BST1: variants seen among roughly 807,000 people sequenced by gnomAD.
BST1 encodes bone marrow stromal cell antigen 1.
A neutral mutation model predicts 40.6 loss-of-function variants in BST1; 49 were observed. The ratio of observed to expected loss-of-function variants is 1.21; its 90% CI spans 0.96 to 1.53. BST1 has a LOEUF of 1.53. Ranked by LOEUF, BST1 falls within the 40% of genes most tolerant of loss-of-function variation. BST1 has a pLI of 0.00. For missense variants in BST1, 423 were observed against 395.9 expected (o/e 1.07, Z -0.58); for synonymous variants, 157 against 159.3 (o/e 0.99, Z 0.11).
downstream of BST1, among the ~76,000 whole-genome samples, chr4:15,735,477 G>T (rs1721522390): frequency 6.6e-6 from 1 of 152,122 alleles, no homozygotes; most frequent in Admixed American, 6.5e-5. Flanking sequence ...TACAAGGGAA[G>T]CTTAATAACA....
At position 15,711,809 on chromosome 4, in the gene BST1, C is replaced by T. The variant is rs1444300671; in HGVS notation, c.454C>T (p.Leu152Phe). 1 of 1,612,946 alleles carries T rather than the reference C, an allele frequency of 6.2e-7. No homozygotes were observed. Among genetic ancestry groups the T allele is most frequent in the African/African-American group, 1.3e-5 (1 of 74,914 alleles). ...SWCRQKNDSG[L>F]DYQSCPTSED... is the part of the protein sequence containing the mutation. ...GTGTTTGTCTACTTACCCCTTAGGA[C>T]TCGATTACCAATCCTGCCCTACATC... The change falls in exon 4 of 9, where the codon CTC becomes TTC. Residue 152 changes from leucine (L) to phenylalanine (F), a missense_variant and splice_region_variant. Transcript: ENST00000265016.
chr4:15,745,918 G>A, the BST1 span, among the ~76,000 whole-genome samples: 1 of 152,084 alleles, frequency 6.6e-6, no homozygotes, highest in Non-Finnish European at 1.5e-5. Flanking sequence ...TCAATATAAG[G>A]GGCCAGACTG....
At chr4:15,737,680 C>T, downstream of BST1, 2 of 738,454 alleles carry the variant, frequency 2.7e-6, no homozygotes, top group South Asian at 2.9e-5. Context: ...ACATGAAGAA[C>T]TGAGTTCTCT....
At chr4:15,765,724 C>T in the BST1 span, among the ~76,000 whole-genome samples, 1 of 151,940 alleles carries the variant, frequency 6.6e-6, no homozygotes, top group African/African-American at 2.4e-5. Context: ...TTTCACCTCA[C>T]CTTCTTCAGA....
chr4:15,719,602 A>G (rs551399625), intron 7 of BST1, among the ~76,000 whole-genome samples: 9 of 152,186 alleles, frequency 5.9e-5, no homozygotes, highest in African/African-American at 2.2e-4. Context: ...CCCAGCCCCT[A>G]AGACTGTGGA....
rs1031813385 is a variant in BST1, at chr4:15,723,767, T to C, written c.851+833T>C. 2.1e-5 allele frequency: 8 copies of C among 388,270 alleles called. No individual in the cohort carries two copies. In the Admixed American group the frequency reaches 2.6e-4, roughly 12 times the overall value. The allele number at this position is 388,270 out of a possible 1,614,324, so 24.1% of individuals were successfully genotyped here. On this transcript the variant is annotated intron_variant, in intron 8 of 8. Coordinates refer to ENST00000265016, the MANE Select transcript of BST1 (RefSeq NM_004334.3). ...AAATTTTGATATGTTCTGAGAAATT[T>C]TGATATGTTTCAAAAAGGCTGTGCC... is the stretch of plus-strand genomic sequence containing the variant.
chr4:15,770,043 T>G, the BST1 span, among the ~76,000 whole-genome samples: 1 of 152,202 alleles, frequency 6.6e-6, no homozygotes, highest in African/African-American at 2.4e-5. Context: ...TTTCACCATG[T>G]TGGCCAGGCT....
Position 15,718,799 on chromosome 4 carries a change from A to G in BST1, c.705-108A>G, listed in dbSNP as rs371481195. 210 of 874,024 alleles carry G rather than the reference A, an allele frequency of 2.4e-4. No homozygotes were observed. In the African/African-American group the frequency reaches 3.0e-3, roughly 13 times the overall value. The allele number at this position is 874,024 out of a possible 1,614,324, so 54.1% of individuals were successfully genotyped here. A position where few individuals can be genotyped will look rare whatever the true frequency, so the allele number is the denominator to read the frequency against. ...ACATTCCAGTTTTCTTTCTGAGAGT[A>G]GAATATCCAGGAGCACATGGTCAAA... On this transcript the variant is annotated intron_variant, in intron 6 of 8. Coordinates refer to ENST00000265016, the MANE Select transcript of BST1 (RefSeq NM_004334.3).
rs1201852641 is a variant in BST1, at chr4:15,703,081, G to A, written c.-64G>A. 15 of 1,497,862 alleles carry A rather than the reference G, an allele frequency of 1.0e-5. No individual in the cohort carries two copies. The East Asian group carries it at 1.0e-4, about 10-fold the overall frequency. The allele number at this position is 1,497,862 out of a possible 1,614,324, so 92.8% of individuals were successfully genotyped here. ...CCGCCCTGCATCAGTTTGCGGAACC[G>A]CCTTGGTAGAAGGAGAGAAGGGGAG... On this transcript the variant is annotated 5_prime_UTR_variant, in exon 1 of 9. Transcript: ENST00000265016.
chr4:15,707,135 G>T (rs1402807368), intron 2 of BST1, among the ~76,000 whole-genome samples: 1 of 152,202 alleles, frequency 6.6e-6, no homozygotes. Flanking sequence ...GCATTTTCCA[G>T]AAGTAGAAAC....
chr4:15,710,346 T>C (rs1468569509), intron 3 of BST1, among the ~76,000 whole-genome samples: 11 of 152,212 alleles, frequency 7.2e-5, no homozygotes, highest in Admixed American at 6.5e-4. Flanking sequence ...GCATACAATG[T>C]GATGTTTTAT....
chr4:15,721,659 G>T (rs531394759), intron 7 of BST1, among the ~76,000 whole-genome samples: 5 of 146,760 alleles, frequency 3.4e-5, no homozygotes, highest in South Asian at 4.6e-4. Context: ...CCTGTCGTGG[G>T]GTAGGGGGAG....
intron 3 of BST1, among the ~76,000 whole-genome samples, chr4:15,707,941 A>G (rs901380414): frequency 2.6e-5 from 4 of 150,978 alleles, no homozygotes; most frequent in African/African-American, 9.8e-5. Context: ...ACACATACTC[A>G]TTTGATGCCC....
At chr4:15,710,357 A>G (rs1720122538) in intron 3 of BST1, among the ~76,000 whole-genome samples, 1 of 152,184 alleles carries the variant, frequency 6.6e-6, no homozygotes, top group Non-Finnish European at 1.5e-5. Flanking sequence ...GATGTTTTAT[A>G]CATATATACA....
intron 4 of BST1, 149 bp downstream of exon 4, chr4:15,712,038 C>T (rs1720245783): frequency 1.2e-5 from 8 of 645,104 alleles, no homozygotes; most frequent in Non-Finnish European, 1.9e-5. Flanking sequence ...ATGCTCTTTG[C>T]TATATAAAGT....
At chr4:15,729,632 A>G (rs1721281253) in intron 8 of BST1, among the ~76,000 whole-genome samples, 1 of 152,228 alleles carries the variant, frequency 6.6e-6, no homozygotes, top group Non-Finnish European at 1.5e-5. Context: ...TAGGCTTTTG[A>G]GTATATAAAT....
chr4:15,726,301 C>T (rs1325933527), intron 8 of BST1, among the ~76,000 whole-genome samples: 1 of 151,918 alleles, frequency 6.6e-6, no homozygotes, highest in Admixed American at 6.6e-5. Flanking sequence ...TAAAACAGAA[C>T]TTGCAACTCG....
intron 8 of BST1, chr4:15,731,374 T>C: frequency 1.9e-6 from 1 of 528,286 alleles, no homozygotes. Context: ...TCGTTTTCCA[T>C]GTGGTGGAAA....
chr4:15,770,750 CCT>C, the BST1 span, among the ~76,000 whole-genome samples: 31,001 of 152,084 alleles, frequency 0.2, 3,314 homozygotes, highest in Non-Finnish European at 0.22. Context: ...TCTGATTCCC[CCT>C]GTTTGCTACA....
Sources: gnomAD v4.1 joint callset for allele counts (sites outside exome capture counted in the v4.1 genomes callset) on GRCh38, gnomAD v4.1.1 for gene constraint, MANE v1.5 for transcripts, NCBI Gene and HGNC (gene_info 2026-07-23, HGNC 2026-07-21) for gene names.